FBXO41: variants seen among roughly 807,000 people sequenced by gnomAD.
FBXO41 encodes the protein F-box protein 41.
Under a neutral mutation model 81.6 loss-of-function variants are expected in FBXO41, and 33 were observed. The observed-to-expected ratio is 0.40, with a 90% confidence interval of 0.31 to 0.54. The LOEUF (loss-of-function observed/expected upper bound fraction) is 0.54, where lower values mean the gene tolerates loss of function less well. FBXO41 is among the 20% of genes least tolerant of loss of function. The pLI is 0.39. For synonymous variants in FBXO41, 576 were observed against 552.7 expected, an observed-to-expected ratio of 1.04 and a Z score of -0.59; for missense variants, 1,107 against 1,236.0, an observed-to-expected ratio of 0.90 and a Z score of 1.56.
chr2:73,267,963 A>C (rs1288659566), intron 2 of FBXO41, among the ~76,000 whole-genome samples: 1 of 152,206 alleles, frequency 6.6e-6, no homozygotes, highest in African/African-American at 2.4e-5. Flanking sequence ...AAATCAAAAA[A>C]TTGTGTCAAA....
rs2103927260 is a variant in FBXO41 at position 73,284,202 on chromosome 2, T to G, written c.-181A>C. ...GAGGCCAGGCCCAGCGGCCCAGGGCTGGGGACGCAGAAGAGCCCCCGCGTG... is the reference window on the plus strand; with the variant it reads ...GAGGCCAGGCCCAGCGGCCCAGGGCGGGGGACGCAGAAGAGCCCCCGCGTG... On this transcript the variant is annotated 5_prime_UTR_variant, in exon 1 of 13. Transcript: ENST00000520530. The surrounding 1 kb of genome is among the most constrained non-coding windows in gnomAD (Gnocchi z 7.4). 6.6e-6 allele frequency: 1 copy of G among 152,240 alleles called. No individual in the cohort carries two copies. Among genetic ancestry groups the G allele is most frequent in the East Asian group, 2.0e-4 (1 of 5,120 alleles). The allele number at this position is 152,240 out of a possible 1,614,324, so 9.4% of individuals were successfully genotyped here.
chr2:73,266,714 C>T lies in FBXO41; in HGVS notation c.906-32G>A. The T allele has an allele frequency of 1.3e-6, 2 of 1,506,604 alleles. No homozygotes were observed. The highest frequency in any genetic ancestry group is 1.8e-6 in the Non-Finnish European group (2 of 1,127,920). The allele number at this position is 1,506,604 out of a possible 1,614,324, so 93.3% of individuals were successfully genotyped here. Reference sequence around the variant, plus strand: ...CCAGAGCAGTCTCTTACCCCAGAGCCTCAGCCTGCCTGCCCACCCACCCTC... The same window carrying T: ...CCAGAGCAGTCTCTTACCCCAGAGCTTCAGCCTGCCTGCCCACCCACCCTC... On this transcript the variant is annotated intron_variant, in intron 2 of 12. Coordinates refer to ENST00000520530, the MANE Select transcript of FBXO41 (RefSeq NM_001371389.2). This position sits in a 1 kb window ranked among gnomAD's most constrained non-coding sequence, Gnocchi z 5.3.
chr2:73,276,312 A>C (rs1313704067), intron 1 of FBXO41, among the ~76,000 whole-genome samples: 2 of 151,518 alleles, frequency 1.3e-5, no homozygotes, highest in Non-Finnish European at 1.5e-5. Context: ...CAGGAGGCTG[A>C]GGCAGCATAA....
Position 73,266,359 on chromosome 2 carries a change from G to A in FBXO41, c.1131+98C>T, listed in dbSNP as rs182836894. Reference sequence around the variant, plus strand: ...GTGGGGTAAAAGCCAAAGAAGGGGCGAATGCGGCATCATGGGGGAGATGTC... The same window carrying A: ...GTGGGGTAAAAGCCAAAGAAGGGGCAAATGCGGCATCATGGGGGAGATGTC... On this transcript the variant is annotated intron_variant, in intron 3 of 12. Coordinates refer to ENST00000520530, the MANE Select transcript of FBXO41 (RefSeq NM_001371389.2). This position sits in a 1 kb window ranked among gnomAD's most constrained non-coding sequence, Gnocchi z 5.3. 6.9e-3 allele frequency: 9,257 copies of A among 1,348,636 alleles called. 39 individuals are homozygous for A. Among genetic ancestry groups the A allele is most frequent in the Non-Finnish European group, 7.9e-3 (7,970 of 1,011,884 alleles). The allele number at this position is 1,348,636 out of a possible 1,614,324, so 83.5% of individuals were successfully genotyped here.
In FBXO41 at chr2:73,266,417, AG is replaced by A; in HGVS notation, c.1131+39del. 1 of 1,446,524 alleles carries A rather than the reference AG, an allele frequency of 6.9e-7. No homozygotes were observed. Among genetic ancestry groups the A allele is most frequent in the Non-Finnish European group, 9.2e-7 (1 of 1,092,608 alleles). The allele number at this position is 1,446,524 out of a possible 1,614,324, so 89.6% of individuals were successfully genotyped here. A position where few individuals can be genotyped will look rare whatever the true frequency, so the allele number is the denominator to read the frequency against. The stretch of plus-strand genomic sequence containing the variant: ...GTGAAAGGTGAGGTTGTGGGGGGCC[AG>A]GTGTGCAGGTAGAGGAGGGAAGGCA... On this transcript the variant is annotated intron_variant, in intron 3 of 12. Transcript: ENST00000520530. The surrounding 1 kb of genome is among the most constrained non-coding windows in gnomAD (Gnocchi z 5.3).
At chr2:73,283,534 T>C (rs1228079921) in intron 1 of FBXO41, among the ~76,000 whole-genome samples, 1 of 152,162 alleles carries the variant, frequency 6.6e-6, no homozygotes, top group Non-Finnish European at 1.5e-5. Context: ...GCCCACACAG[T>C]ACTCGCTGGC....
At chr2:73,272,379 T>G (rs1446578435) in intron 1 of FBXO41, 1 of 152,224 alleles carries the variant, frequency 6.6e-6, no homozygotes, top group Non-Finnish European at 1.5e-5. Flanking sequence ...TCAATATGGC[T>G]GAGAGTCAGA....
rs771775711 is a variant in FBXO41, at chr2:73,263,870, C to T, written c.1923-40G>A. 2.5e-6 allele frequency: 4 copies of T among 1,614,062 alleles called. No homozygotes were observed. In the South Asian group the frequency reaches 3.3e-5, roughly 13 times the overall value. On this transcript the variant is annotated intron_variant, in intron 7 of 12. Transcript: ENST00000520530. Reference sequence around the variant, plus strand: ...GAGGTCAGAGAGCTGGCAACCTCCTCCTCTGGGAAACTTAATTCCAGGTCT... The same window carrying T: ...GAGGTCAGAGAGCTGGCAACCTCCTTCTCTGGGAAACTTAATTCCAGGTCT...
At position 73,266,002 on chromosome 2, in the gene FBXO41, G is replaced by A. The variant is rs763647353; in HGVS notation, c.1132-36C>T. ...CCAGAGCAGGAGGTAAAGGAGAGGGGCGGAGGAGGCAAGAGGATGAGCAGG... is the reference window on the plus strand; with the variant it reads ...CCAGAGCAGGAGGTAAAGGAGAGGGACGGAGGAGGCAAGAGGATGAGCAGG... On this transcript the variant is annotated intron_variant, in intron 3 of 12. Coordinates refer to ENST00000520530, the MANE Select transcript of FBXO41 (RefSeq NM_001371389.2). This position sits in a 1 kb window ranked among gnomAD's most constrained non-coding sequence, Gnocchi z 5.3. The A allele has an allele frequency of 6.5e-7, 1 of 1,542,956 alleles. No individual in the cohort carries two copies. The highest frequency in any genetic ancestry group is 1.9e-5 in the Admixed American group (1 of 51,322).
intron 1 of FBXO41, among the ~76,000 whole-genome samples, chr2:73,277,284 G>C (rs905761419): frequency 1.3e-4 from 20 of 152,196 alleles, no homozygotes; most frequent in Admixed American, 4.6e-4. Context: ...TTTTTGTCTA[G>C]ATTTATGCAC....
At chr2:73,263,363 C>A in intron 8 of FBXO41, 55 bp from the exon 9 acceptor site, 3 of 1,356,692 alleles carry the variant, frequency 2.2e-6, no homozygotes, top group Non-Finnish European at 3.0e-6. Context: ...ACTGGTAATC[C>A]CAACACTTTG....
chr2:73,263,853 A>G lies in FBXO41; in HGVS notation c.1923-23T>C, dbSNP rs745867425. On this transcript the variant is annotated intron_variant, in intron 7 of 12. Transcript: ENST00000520530. Reference sequence around the variant, plus strand: ...CCCCTGGGGATGACCAAGAGGTCAGAGAGCTGGCAACCTCCTCCTCTGGGA... The same window carrying G: ...CCCCTGGGGATGACCAAGAGGTCAGGGAGCTGGCAACCTCCTCCTCTGGGA... The G allele has an allele frequency of 1.5e-5, 25 of 1,613,942 alleles. No individual in the cohort carries two copies. In the East Asian group the frequency reaches 5.3e-4, roughly 35 times the overall value.
Position 73,258,725 on chromosome 2 carries a change from G to A in FBXO41, c.*257C>T, listed in dbSNP as rs1403240269. The A allele has an allele frequency of 1.1e-5, 5 of 458,474 alleles. No individual in the cohort carries two copies. The allele number at this position is 458,474 out of a possible 1,614,324, so 28.4% of individuals were successfully genotyped here. On this transcript the variant is annotated 3_prime_UTR_variant, in exon 13 of 13. Coordinates refer to ENST00000520530, the MANE Select transcript of FBXO41 (RefSeq NM_001371389.2). ...TGACAGCTCCTCACTGGCTGTGCCA[G>A]AGGCTACTCCAGCCGGGGTAGGGTG...
In FBXO41 at chr2:73,269,447, AGGCAGCGGCGGCGGCGGCCGC is replaced by A. The variant is rs748387492; in HGVS notation, c.163_183del (p.Ala55_Ala61del). 133 of 1,308,422 alleles carry A rather than the reference AGGCAGCGGCGGCGGCGGCCGC, an allele frequency of 1.0e-4. 2 individuals carry two copies. Among genetic ancestry groups the A allele is most frequent in the Admixed American group, 3.1e-4 (8 of 26,132 alleles). The allele number at this position is 1,308,422 out of a possible 1,614,324, so 81.1% of individuals were successfully genotyped here. ...GGCTCGGGAGCCAGCGGGAACCCCG[AGGCAGCGGCGGCGGCGGCCGC>A]GGCGGCGGCGGCGCCGTCGCAGATG... is the stretch of plus-strand genomic sequence containing the variant. On this transcript the variant is annotated inframe_deletion, in exon 2 of 13. Transcript: ENST00000520530. This position sits in a 1 kb window ranked among gnomAD's most constrained non-coding sequence, Gnocchi z 7.0.
rs1376306982 is a variant in FBXO41, at chr2:73,258,478, C to A, written c.*504G>T. The A allele has an allele frequency of 6.5e-6, 1 of 153,190 alleles. No homozygotes were observed. The highest frequency in any genetic ancestry group is 1.5e-5 in the Non-Finnish European group (1 of 68,838). 9.5% of individuals were successfully genotyped at this position (153,190 alleles called of 1,614,324 possible). ...AGGAAATGTGGATCCACAGCCTGGG[C>A]AGGCTGTCTGAAGGGGTGCCCCCAG... is the stretch of plus-strand genomic sequence containing the variant. On this transcript the variant is annotated 3_prime_UTR_variant, in exon 13 of 13. Coordinates refer to ENST00000520530, the MANE Select transcript of FBXO41 (RefSeq NM_001371389.2).
chr2:73,270,166 G>A (rs1688448787), intron 1 of FBXO41, among the ~76,000 whole-genome samples: 1 of 152,154 alleles, frequency 6.6e-6, no homozygotes, highest in African/African-American at 2.4e-5. Context: ...AAAGAAGCCA[G>A]ACCAAAGAGT....
At chr2:73,265,173 G>A (rs558676004) in intron 5 of FBXO41, 109 bp downstream of exon 5, 124 of 1,034,840 alleles carry the variant, frequency 1.2e-4, no homozygotes, top group Admixed American at 3.9e-4. Flanking sequence ...CTTGAAGGGC[G>A]CTATGTAGGA....
Position 73,266,359 on chromosome 2 carries a change from G to T in FBXO41, c.1131+98C>A. ...GTGGGGTAAAAGCCAAAGAAGGGGCGAATGCGGCATCATGGGGGAGATGTC... is the reference window on the plus strand; with the variant it reads ...GTGGGGTAAAAGCCAAAGAAGGGGCTAATGCGGCATCATGGGGGAGATGTC... On this transcript the variant is annotated intron_variant, in intron 3 of 12. Transcript: ENST00000520530. The surrounding 1 kb of genome is among the most constrained non-coding windows in gnomAD (Gnocchi z 5.3). The T allele has an allele frequency of 2.2e-6, 3 of 1,348,692 alleles. No homozygotes were observed. The highest frequency in any genetic ancestry group is 1.6e-5 in the South Asian group (1 of 63,798). The allele number at this position is 1,348,692 out of a possible 1,614,324, so 83.5% of individuals were successfully genotyped here.
Position 73,276,108 on chromosome 2 carries a change from T to TA in FBXO41, c.-138-6341dup, listed in dbSNP as rs951639547. On this transcript the variant is annotated intron_variant, in intron 1 of 12. Coordinates refer to ENST00000520530, the MANE Select transcript of FBXO41 (RefSeq NM_001371389.2). ...GCCAAGATTTAACTTTCTTTTTTTT[T>TA]AAAAAAATGATATGTAGTAGGCTAG... 1.6e-4 allele frequency among the ~76,000 whole-genome samples: 24 copies of TA among 148,370 alleles called. 1 individual carries two copies. The highest frequency in any genetic ancestry group is 1.3e-4 in the Non-Finnish European group (9 of 67,246).
Sources: gnomAD v4.1 joint callset for allele counts (sites outside exome capture counted in the v4.1 genomes callset) on GRCh38, gnomAD v4.1.1 for gene constraint, Gnocchi (gnomAD v3.1) non-coding constraint, MANE v1.5 for transcripts, NCBI Gene and HGNC (gene_info 2026-07-23, HGNC 2026-07-21) for gene names.